TECTB: variants seen among roughly 807,000 people sequenced by gnomAD.
The protein encoded by TECTB is tectorin beta, also known as beta-tectorin.
TECTB carries 45 observed loss-of-function variants against 43.3 expected under a neutral mutation model. That is an observed-to-expected ratio of 1.04 (90% confidence interval 0.82 to 1.33). The LOEUF (loss-of-function observed/expected upper bound fraction) is 1.33. TECTB is among the 40% of genes most tolerant of loss of function. The pLI, the probability that TECTB is intolerant of heterozygous loss-of-function variation, is 0.00. For missense variants in TECTB, 399 were observed against 404.7 expected (o/e 0.99, Z 0.12); for synonymous variants, 169 against 156.7 (o/e 1.08, Z -0.59).
intron 1 of TECTB, 22 bp from the exon 2 acceptor site, chr10:112,283,626 T>C: frequency 1.0e-6 from 1 of 992,922 alleles, no homozygotes. Context: ...ATTTTAACTT[T>C]TCATTCATGT....
At chr10:112,290,432 G>A (rs909079270) in intron 5 of TECTB, among the ~76,000 whole-genome samples, 9 of 152,208 alleles carry the variant, frequency 5.9e-5, no homozygotes, top group Admixed American at 2.6e-4. Flanking sequence ...TGTTGGGTGA[G>A]AATATAGAGA....
At chr10:112,285,987 G>A (rs1222020172) in intron 3 of TECTB, 84 bp from the exon 4 acceptor site, 18 of 1,558,676 alleles carry the variant, frequency 1.2e-5, no homozygotes, top group Non-Finnish European at 1.6e-5. Context: ...TTGTTTTTGA[G>A]CCATCTTCTT....
chr10:112,299,519 C>T lies in TECTB; in HGVS notation c.862C>T (p.Arg288Ter), dbSNP rs140087814. 5.6e-6 allele frequency: 9 copies of T among 1,614,088 alleles called. No individual in the cohort carries two copies. Among genetic ancestry groups the T allele is most frequent in the East Asian group, 2.2e-5 (1 of 44,898 alleles). The change falls in exon 9 of 11, where the codon CGA becomes TGA. Residue 288 changes from arginine to a stop codon, truncating the protein, a stop_gained. Coordinates refer to ENST00000646139, the MANE Select transcript of TECTB (RefSeq NM_058222.3). LOFTEE classifies it high-confidence loss of function. The stretch of plus-strand genomic sequence containing the variant: ...CTGCGATAAACGGAAGCGCCTCCTG[C>T]GAGACCAGACCGGGGGAGTCCTGGT... Reference protein sequence around the residue: ...VTCDKRKRLLRDQTGGVLVVE... With the variant: ...VTCDKRKRLL
chr10:112,288,273 G>A (rs1432549081), intron 5 of TECTB, among the ~76,000 whole-genome samples: 4 of 152,260 alleles, frequency 2.6e-5, no homozygotes, highest in Non-Finnish European at 4.4e-5. Flanking sequence ...CATCAGCTGC[G>A]TAGAGCTGAG....
chr10:112,303,283 A>C lies in TECTB; in HGVS notation c.961A>C (p.Met321Leu). The part of the protein sequence containing the change: ...SFSDVLHHLI[M>L]MLGICAVL ...CACAGATGTTCTCCACCACCTCATC[A>C]TGATGTTGGGGATTTGTGCCGTGTT... The change falls in exon 11 of 11, where the codon ATG (methionine) becomes CTG (leucine). Residue 321 changes from methionine to leucine, a missense_variant. Met to Leu is a conservative substitution (Grantham distance 15). Transcript: ENST00000646139. 6.2e-7 allele frequency: 1 copy of C among 1,614,072 alleles called. No individual in the cohort carries two copies. Among genetic ancestry groups the C allele is most frequent in the Non-Finnish European group, 8.5e-7 (1 of 1,179,992 alleles).
Position 112,284,519 on chromosome 10 carries a change from T to A in TECTB, c.77-16T>A. The A allele has an allele frequency of 6.3e-7, 1 of 1,590,428 alleles. No homozygotes were observed. Among genetic ancestry groups the A allele is most frequent in the Non-Finnish European group, 8.6e-7 (1 of 1,166,644 alleles). On this transcript the variant is annotated splice_polypyrimidine_tract_variant and intron_variant, in intron 2 of 10. Transcript: ENST00000646139. ...TTACCCTAACTGATTTTAAACTATA[T>A]GTGTGCTCTTTCCAGATGTCATTCT...
intron 7 of TECTB, 54 bp from the exon 8 acceptor site, chr10:112,298,015 C>T: frequency 6.2e-7 from 1 of 1,610,970 alleles, no homozygotes; most frequent in Non-Finnish European, 8.5e-7. Context: ...CTCAGCAGCT[C>T]TTGCTGGAGT....
chr10:112,304,942 A>G lies in TECTB; in HGVS notation c.*1630A>G, dbSNP rs1399518455. 3 of 152,284 alleles carry G rather than the reference A, an allele frequency of 2.0e-5. No homozygotes were observed. The highest frequency in any genetic ancestry group is 3.9e-4 in the East Asian group (2 of 5,190). 9.4% of individuals were successfully genotyped at this position (152,284 alleles called of 1,614,324 possible). On this transcript the variant is annotated 3_prime_UTR_variant, in exon 11 of 11. Coordinates refer to ENST00000646139, the MANE Select transcript of TECTB (RefSeq NM_058222.3). ...AATCCTTTGCTGTCAGAATAAACCAATGTTGTATTAGTTTTGCTGTATTTC... is the reference window on the plus strand; with the variant it reads ...AATCCTTTGCTGTCAGAATAAACCAGTGTTGTATTAGTTTTGCTGTATTTC...
At chr10:112,294,398 G>A (rs775906719) in intron 7 of TECTB, among the ~76,000 whole-genome samples, 1 of 152,188 alleles carries the variant, frequency 6.6e-6, no homozygotes, top group Non-Finnish European at 1.5e-5. Context: ...GCGCATGCGT[G>A]TGTGTGCATG....
chr10:112,298,892 G>A (rs1362357306), intron 8 of TECTB, among the ~76,000 whole-genome samples: 1 of 152,150 alleles, frequency 6.6e-6, no homozygotes, highest in Admixed American at 6.5e-5. Flanking sequence ...TGGAGACCTC[G>A]GTGTTTCCAA....
chr10:112,293,762 G>A lies in TECTB; in HGVS notation c.508G>A (p.Glu170Lys). 6.2e-7 allele frequency: 1 copy of A among 1,614,154 alleles called. No individual in the cohort carries two copies. The highest frequency in any genetic ancestry group is 1.1e-5 in the South Asian group (1 of 91,080). The change falls in exon 6 of 11, where the codon GAA (glutamate) becomes AAA (lysine). Residue 170 changes from glutamate to lysine, a missense_variant. Coordinates refer to ENST00000646139, the MANE Select transcript of TECTB (RefSeq NM_058222.3). ...YTNAKFSIKK[E>K]APFVLEASEI... ...GAATGCCAAGTTCTCCATCAAGAAAGAAGCTCCCTTTGTCCTGGAGGCATC... is the reference window on the plus strand; with the variant it reads ...GAATGCCAAGTTCTCCATCAAGAAAAAAGCTCCCTTTGTCCTGGAGGCATC...
intron 9 of TECTB, among the ~76,000 whole-genome samples, chr10:112,301,767 C>A (rs10218937): frequency 0.11 from 16,073 of 152,028 alleles, 1,083 homozygotes; most frequent in Middle Eastern, 0.19. Context: ...TTTTTTGAGA[C>A]CGTGTCGCCC....
chr10:112,287,206 C>G (rs1413391426), intron 5 of TECTB, among the ~76,000 whole-genome samples: 2 of 152,206 alleles, frequency 1.3e-5, no homozygotes, highest in Non-Finnish European at 2.9e-5. Context: ...GTCTCTAAAG[C>G]CTTTCAAGTA....
At chr10:112,301,836 G>A (rs1161846909) in intron 9 of TECTB, among the ~76,000 whole-genome samples, 1 of 152,108 alleles carries the variant, frequency 6.6e-6, no homozygotes, top group Non-Finnish European at 1.5e-5. Flanking sequence ...TCAGCCTCCT[G>A]AGTAGCTGGG....
intron 7 of TECTB, among the ~76,000 whole-genome samples, chr10:112,295,236 A>C (rs1263154509): frequency 6.6e-6 from 1 of 152,234 alleles, no homozygotes; most frequent in Non-Finnish European, 1.5e-5. Context: ...TCAAGGATAA[A>C]CATAATTGGA....
intron 5 of TECTB, among the ~76,000 whole-genome samples, 168 bp from the exon 6 acceptor site, chr10:112,293,570 T>C (rs889458716): frequency 5.3e-5 from 8 of 152,194 alleles, no homozygotes; most frequent in African/African-American, 1.9e-4. Flanking sequence ...TGGCATAGTG[T>C]CTTAAGACTT....
intron 3 of TECTB, 94 bp from the exon 4 acceptor site, chr10:112,285,971 CTGGACT>C: frequency 6.7e-7 from 1 of 1,488,468 alleles, no homozygotes. Flanking sequence ...TGTCTCCCCA[CTGGACT>C]TGTTTTTGAG....
chr10:112,299,799 A>G, intron 9 of TECTB: 6 of 511,184 alleles, frequency 1.2e-5, no homozygotes, highest in Non-Finnish European at 1.8e-5. Flanking sequence ...CTAAATTCAA[A>G]TACCCCCAAA....
At chr10:112,284,793 G>T in intron 3 of TECTB, 68 bp downstream of exon 3, 1 of 1,329,512 alleles carries the variant, frequency 7.5e-7, no homozygotes, top group Non-Finnish European at 9.9e-7. Context: ...TGAGATGTCT[G>T]CCATCTGTCC....
Sources: gnomAD v4.1 joint callset for allele counts (sites outside exome capture counted in the v4.1 genomes callset) on GRCh38, gnomAD v4.1.1 for gene constraint, MANE v1.5 for transcripts, NCBI Gene and HGNC (gene_info 2026-07-23, HGNC 2026-07-21) for gene names.